The following ROBO1 variants were observed in gnomAD, a reference collection of about 807,000 sequenced individuals.
ROBO1 encodes the protein roundabout guidance receptor 1, also known as roundabout homolog 1.
Under a neutral mutation model 195.9 loss-of-function variants are expected in ROBO1, and 149 were observed. The observed-to-expected ratio is 0.76, with a 90% CI of 0.67 to 0.87. ROBO1 has a LOEUF of 0.87. ROBO1 is among the 40% of genes least tolerant of loss of function. ROBO1 has a pLI of 0.00. For synonymous variants in ROBO1, 816 were observed against 733.2 expected (o/e 1.11, Z -1.82); for missense variants, 1,933 against 2,068.3 (o/e 0.93, Z 1.27).
intron 1 of ROBO1, among the ~76,000 whole-genome samples, chr3:79,594,717 G>C (rs1328070654): frequency 6.6e-6 from 1 of 151,920 alleles, no homozygotes; most frequent in East Asian, 1.9e-4. Flanking sequence ...CACATCATTG[G>C]GTGAGATGTG....
At chr3:79,157,779 T>C (rs1037742560) in intron 2 of ROBO1, among the ~76,000 whole-genome samples, 9 of 151,930 alleles carry the variant, frequency 5.9e-5, no homozygotes, top group African/African-American at 2.2e-4. Flanking sequence ...ACCACAGATA[T>C]ATTAGCTGCT....
At chr3:79,698,414 G>A (rs1947509820) in intron 1 of ROBO1, among the ~76,000 whole-genome samples, 1 of 151,364 alleles carries the variant, frequency 6.6e-6, no homozygotes, top group African/African-American at 2.4e-5. Context: ...TAAGGTAAAT[G>A]GATAGATGAA....
chr3:79,302,500 T>C (rs1483977919), intron 2 of ROBO1, among the ~76,000 whole-genome samples: 1 of 152,232 alleles, frequency 6.6e-6, no homozygotes, highest in Non-Finnish European at 1.5e-5. Flanking sequence ...TGTTATTTTA[T>C]ACATTCTGTG....
chr3:79,075,622 C>G (rs892289178), intron 3 of ROBO1, among the ~76,000 whole-genome samples: 1 of 151,684 alleles, frequency 6.6e-6, no homozygotes, highest in Non-Finnish European at 1.5e-5. Context: ...GGAGTGGAGG[C>G]GGTGTGCTAG....
At chr3:78,787,385 GTT>G (rs1279411763) in intron 4 of ROBO1, among the ~76,000 whole-genome samples, 1 of 152,094 alleles carries the variant, frequency 6.6e-6, no homozygotes, top group Non-Finnish European at 1.5e-5. Flanking sequence ...TTCAAATACT[GTT>G]TATGTTTTTG....
rs542926245 is a variant in ROBO1, at chr3:79,095,234, C to A, written c.172+30222G>T. Among the ~76,000 whole-genome samples the A allele has an allele frequency of 6.8e-4, 103 of 152,082 alleles. No individual in the cohort carries two copies. In the Middle Eastern group the frequency reaches 0.01, roughly 15 times the overall value. On this transcript the variant is annotated intron_variant, in intron 3 of 30. Transcript: ENST00000464233. ...CATTCAAGAGGTGTTGCTCAATTTT[C>A]TCCCCCTTGAGTGGGAGTTGAAGTA...
chr3:79,135,900 G>A (rs563046936), intron 2 of ROBO1, among the ~76,000 whole-genome samples: 2 of 152,136 alleles, frequency 1.3e-5, no homozygotes, highest in African/African-American at 2.4e-5. Context: ...GCCTCCCAAA[G>A]TGCTGGGATT....
intron 3 of ROBO1, among the ~76,000 whole-genome samples, chr3:79,060,399 G>A (rs887437253): frequency 1.2e-4 from 18 of 151,858 alleles, no homozygotes; most frequent in African/African-American, 4.4e-4. Context: ...CTCCCCTTTT[G>A]AAATTCCTAA....
chr3:79,558,588 T>G (rs571677916), intron 2 of ROBO1, among the ~76,000 whole-genome samples: 1 of 152,266 alleles, frequency 6.6e-6, no homozygotes, highest in South Asian at 2.1e-4. Flanking sequence ...CCTCCATTTT[T>G]CATGGGTAAA....
intron 1 of ROBO1, among the ~76,000 whole-genome samples, chr3:79,725,672 C>G (rs13097149): frequency 0.29 from 44,275 of 152,040 alleles, 7,789 homozygotes; most frequent in East Asian, 0.57. Flanking sequence ...CAAATCACCT[C>G]TTCTCCAGTT....
intron 1 of ROBO1, among the ~76,000 whole-genome samples, chr3:79,752,570 G>A (rs1208849589): frequency 6.6e-6 from 1 of 152,056 alleles, no homozygotes; most frequent in African/African-American, 2.4e-5. Flanking sequence ...GAGGGTGAAA[G>A]GTCTCACAAA....
At chr3:79,392,876 T>C (rs2037006779) in intron 2 of ROBO1, among the ~76,000 whole-genome samples, 1 of 152,192 alleles carries the variant, frequency 6.6e-6, no homozygotes, top group African/African-American at 2.4e-5. Flanking sequence ...AGCAAGAATA[T>C]TGAGATTTCA....
chr3:78,726,934 T>C (rs1223196612), intron 5 of ROBO1, among the ~76,000 whole-genome samples: 1 of 152,076 alleles, frequency 6.6e-6, no homozygotes, highest in Admixed American at 6.6e-5. Flanking sequence ...AAAAATAACT[T>C]GTTTGAGGAG....
intron 4 of ROBO1, among the ~76,000 whole-genome samples, chr3:78,863,588 A>G (rs948639716): frequency 1.2e-4 from 18 of 152,188 alleles, no homozygotes; most frequent in African/African-American, 4.3e-4. Flanking sequence ...CTGCAGGACT[A>G]AAGCCAAAAA....
chr3:78,646,056 G>T, intron 21 of ROBO1, 92 bp downstream of exon 21: 2 of 1,139,992 alleles, frequency 1.8e-6, no homozygotes, highest in South Asian at 1.3e-5. Context: ...CTTTAAGTTA[G>T]ACTTTTTAAG....
At chr3:78,626,775 A>G (rs1396474101) in intron 26 of ROBO1, among the ~76,000 whole-genome samples, 4 of 151,904 alleles carry the variant, frequency 2.6e-5, no homozygotes, top group African/African-American at 9.7e-5. Flanking sequence ...ACACACACAC[A>G]CACACACACT....
chr3:78,652,289 G>A (rs749016849), intron 18 of ROBO1, among the ~76,000 whole-genome samples: 1 of 151,944 alleles, frequency 6.6e-6, no homozygotes, highest in African/African-American at 2.4e-5. Context: ...AAAGAATGAA[G>A]TACTTTAATA....
Position 79,089,002 on chromosome 3 carries a change from A to T in ROBO1, c.172+36454T>A, listed in dbSNP as rs540788209. ...TAGGATGACTCATTTGTTTTCCAAA[A>T]TAAAATTCTAGAAAACTTGTATTCC... is the stretch of plus-strand genomic sequence containing the variant. On this transcript the variant is annotated intron_variant, in intron 3 of 30. Coordinates refer to ENST00000464233, the MANE Select transcript of ROBO1 (RefSeq NM_002941.4). Among the ~76,000 whole-genome samples, 16 of 152,224 alleles carry T rather than the reference A, an allele frequency of 1.1e-4. No individual in the cohort carries two copies. In the South Asian group the frequency reaches 3.1e-3, roughly 30 times the overall value.
At chr3:79,588,894 A>T (rs904732094) in intron 2 of ROBO1, among the ~76,000 whole-genome samples, 4 of 151,706 alleles carry the variant, frequency 2.6e-5, no homozygotes, top group Non-Finnish European at 5.9e-5. Flanking sequence ...CAAAATGTCA[A>T]TCTTAACCCA....
Sources: gnomAD v4.1 joint callset for allele counts (sites outside exome capture counted in the v4.1 genomes callset) on GRCh38, gnomAD v4.1.1 for gene constraint, MANE v1.5 for transcripts, NCBI Gene and HGNC (gene_info 2026-07-23, HGNC 2026-07-21) for gene names.